The following DNER variants were observed in gnomAD, a reference collection of about 807,000 sequenced individuals.
The protein encoded by DNER is delta/notch like EGF repeat containing, also known as delta and Notch-like epidermal growth factor-related receptor.
In DNER, 33 loss-of-function variants were observed where a neutral mutation model predicts 78.2. The ratio of observed to expected loss-of-function variants is 0.42; its 90% CI spans 0.32 to 0.56. The LOEUF (loss-of-function observed/expected upper bound fraction) is 0.56. DNER is among the 20% of genes least tolerant of loss of function. The probability of loss-of-function intolerance (pLI) is 0.11; values close to 1 mark genes in which losing one functional copy is unlikely to be tolerated. For synonymous variants in DNER, 417 were observed against 384.8 expected (o/e 1.08, Z -0.98); for missense variants, 918 against 975.3 (o/e 0.94, Z 0.78).
At chr2:229,414,640 A>C (rs1200196999) in intron 9 of DNER, among the ~76,000 whole-genome samples, 1 of 152,170 alleles carries the variant, frequency 6.6e-6, no homozygotes, top group East Asian at 1.9e-4. Flanking sequence ...GTTTTAAATA[A>C]TATGAAACCA....
intron 7 of DNER, among the ~76,000 whole-genome samples, chr2:229,455,630 G>A (rs1436428123): frequency 6.6e-6 from 1 of 152,088 alleles, no homozygotes; most frequent in Non-Finnish European, 1.5e-5. Context: ...ATGCAGTGAT[G>A]CTGGTGAACA....
chr2:229,574,440 T>C (rs779496668), intron 4 of DNER, among the ~76,000 whole-genome samples: 3 of 152,026 alleles, frequency 2.0e-5, no homozygotes, highest in Non-Finnish European at 4.4e-5. Context: ...AGATTTATAT[T>C]TATTAACATA....
At chr2:229,613,740 A>G (rs1159295808) in intron 1 of DNER, among the ~76,000 whole-genome samples, 1 of 152,026 alleles carries the variant, frequency 6.6e-6, no homozygotes, top group Non-Finnish European at 1.5e-5. Context: ...CTTTAAAGAC[A>G]TTTCATTTAC....
chr2:229,533,561 T>C (rs1696347090), intron 5 of DNER, among the ~76,000 whole-genome samples: 1 of 152,124 alleles, frequency 6.6e-6, no homozygotes, highest in Non-Finnish European at 1.5e-5. Flanking sequence ...GGAGTGCACA[T>C]CTTTCCAACA....
At chr2:229,563,315 TCAA>T (rs560165159) in intron 4 of DNER, among the ~76,000 whole-genome samples, 63 of 150,328 alleles carry the variant, frequency 4.2e-4, no homozygotes, top group Admixed American at 7.3e-4. Context: ...ACCATCATCA[TCAA>T]CATCATCACA....
chr2:229,624,024 A>G (rs1329772548), intron 1 of DNER, among the ~76,000 whole-genome samples: 1 of 152,212 alleles, frequency 6.6e-6, no homozygotes, highest in Non-Finnish European at 1.5e-5. Context: ...TGGACTTTAA[A>G]AGTCTTAAAA....
At chr2:229,468,003 G>GC (rs1694839692) in intron 7 of DNER, among the ~76,000 whole-genome samples, 1 of 152,214 alleles carries the variant, frequency 6.6e-6, no homozygotes, top group Non-Finnish European at 1.5e-5. Flanking sequence ...CAGTGGCACA[G>GC]GGGGATAAGA....
chr2:229,367,707 A>C (rs1692382563), intron 11 of DNER, among the ~76,000 whole-genome samples: 1 of 152,240 alleles, frequency 6.6e-6, no homozygotes, highest in East Asian at 1.9e-4. Context: ...AATTACAAAA[A>C]AGTACAATTC....
intron 1 of DNER, among the ~76,000 whole-genome samples, chr2:229,711,492 A>T (rs2100): frequency 0.28 from 42,625 of 152,092 alleles, 6,478 homozygotes; most frequent in Middle Eastern, 0.44. Flanking sequence ...GACCCCATTG[A>T]CTTACGCAAA....
chr2:229,644,978 T>A (rs1364788952), intron 1 of DNER, among the ~76,000 whole-genome samples: 1 of 151,834 alleles, frequency 6.6e-6, no homozygotes, highest in African/African-American at 2.4e-5. Context: ...GTCCATTGAA[T>A]CCAAGTTGAA....
At chr2:229,566,972 G>A (rs1697122236) in intron 4 of DNER, among the ~76,000 whole-genome samples, 1 of 152,076 alleles carries the variant, frequency 6.6e-6, no homozygotes, top group Non-Finnish European at 1.5e-5. Context: ...CAACATGTCT[G>A]ACCCAAGCTA....
intron 1 of DNER, among the ~76,000 whole-genome samples, chr2:229,594,612 C>CA (rs112864420): frequency 0.032 from 1,011 of 31,710 alleles, 9 homozygotes; most frequent in African/African-American, 0.044. Flanking sequence ...AACAAACAAA[C>CA]AAAAAAAAAA....
At chr2:229,640,592 G>C (rs1190773953) in intron 1 of DNER, among the ~76,000 whole-genome samples, 1 of 152,114 alleles carries the variant, frequency 6.6e-6, no homozygotes, top group Non-Finnish European at 1.5e-5. Context: ...TCTCAATCAT[G>C]GTACACCAGG....
At chr2:229,678,793 T>C (rs1271580235) in intron 1 of DNER, among the ~76,000 whole-genome samples, 1 of 152,208 alleles carries the variant, frequency 6.6e-6, no homozygotes, top group Non-Finnish European at 1.5e-5. Context: ...TTCCTGTATT[T>C]ACAGGGTATA....
At chr2:229,667,638 A>T (rs1450212894) in intron 1 of DNER, among the ~76,000 whole-genome samples, 1 of 152,154 alleles carries the variant, frequency 6.6e-6, no homozygotes, top group Non-Finnish European at 1.5e-5. Context: ...AATGACAGCC[A>T]TTTGGGAGTT....
At position 229,646,217 on chromosome 2, in the gene DNER, G is replaced by A. The variant is rs1212145944; in HGVS notation, c.277-54329C>T. Among the ~76,000 whole-genome samples the A allele has an allele frequency of 2.0e-5, 3 of 152,272 alleles. No homozygotes were observed. The East Asian group carries it at 5.8e-4, about 29-fold the overall frequency. ...GATTATTTTCCACTTCTAATTTTAAGGCGTCATTATAAGAAGTGGCAATGA... is the reference window on the plus strand; with the variant it reads ...GATTATTTTCCACTTCTAATTTTAAAGCGTCATTATAAGAAGTGGCAATGA... On this transcript the variant is annotated intron_variant, in intron 1 of 12. Coordinates refer to ENST00000341772, the MANE Select transcript of DNER (RefSeq NM_139072.4).
intron 4 of DNER, among the ~76,000 whole-genome samples, chr2:229,552,254 G>A (rs923733987): frequency 2.6e-5 from 4 of 152,174 alleles, no homozygotes; most frequent in Admixed American, 6.5e-5. Flanking sequence ...AAATGCAGAC[G>A]GTCCTTGAGG....
intron 1 of DNER, among the ~76,000 whole-genome samples, chr2:229,635,454 C>T (rs1011971651): frequency 6.7e-6 from 1 of 149,914 alleles, no homozygotes; most frequent in Non-Finnish European, 1.5e-5. Flanking sequence ...CTGTATGATA[C>T]TGATCTGATT....
At chr2:229,585,645 G>A (rs1444108689) in intron 4 of DNER, among the ~76,000 whole-genome samples, 1 of 150,686 alleles carries the variant, frequency 6.6e-6, no homozygotes, top group Non-Finnish European at 1.5e-5. Flanking sequence ...GGGTGACTGA[G>A]CGAGACTCCA....
Sources: allele counts gnomAD v4.1 joint callset (sites outside exome capture counted in the v4.1 genomes callset), GRCh38; gene constraint gnomAD v4.1.1; transcripts MANE v1.5; gene names NCBI Gene and HGNC (gene_info 2026-07-23, HGNC 2026-07-21).